The following OR51B5 variants were observed in gnomAD, a reference collection of about 807,000 sequenced individuals.
OR51B5 encodes the protein olfactory receptor 51B5.
For synonymous variants in OR51B5, 186 were observed against 144.8 expected (o/e 1.28, Z -2.04); for missense variants, 456 against 374.6 (o/e 1.22, Z -1.79).
intron 1 of OR51B5, among the ~76,000 whole-genome samples, chr11:5,355,762 TAAA>T (rs10581803): frequency 0.37 from 55,457 of 148,468 alleles, 10,478 homozygotes; most frequent in Non-Finnish European, 0.4. Context: ...CTTTAAAAAT[TAAA>T]AAAAAAAAAA....
At chr11:5,386,168 C>T (rs1849692923) in intron 1 of OR51B5, among the ~76,000 whole-genome samples, 1 of 151,506 alleles carries the variant, frequency 6.6e-6, no homozygotes, top group South Asian at 2.1e-4. Context: ...TGGTTTTTGC[C>T]AAGAAAGCAA....
chr11:5,464,981 C>T (rs552633760), intron 1 of OR51B5, among the ~76,000 whole-genome samples: 74 of 152,112 alleles, frequency 4.9e-4, no homozygotes, highest in African/African-American at 1.4e-3. Flanking sequence ...CCGAGGCGGG[C>T]GGATCGCGAG....
chr11:5,390,540 G>C (rs776770734), intron 1 of OR51B5: 5 of 615,134 alleles, frequency 8.1e-6, no homozygotes, highest in South Asian at 2.6e-5. Context: ...TTAAAAAACT[G>C]AACTTCTCTT....
chr11:5,385,375 T>C (rs1849671668), intron 1 of OR51B5: 1 of 152,232 alleles, frequency 6.6e-6, no homozygotes, highest in African/African-American at 2.4e-5. Flanking sequence ...TACCAGATCC[T>C]TCTCCCTGTC....
At chr11:5,482,038 G>T (rs908840841) in intron 1 of OR51B5, among the ~76,000 whole-genome samples, 1 of 119,828 alleles carries the variant, frequency 8.3e-6, no homozygotes, top group African/African-American at 3.7e-5. Context: ...AAAAGAGCCT[G>T]CATCACCAAG....
intron 1 of OR51B5, among the ~76,000 whole-genome samples, chr11:5,473,906 G>A (rs1045050087): frequency 5.3e-5 from 8 of 151,834 alleles, no homozygotes; most frequent in South Asian, 2.1e-4. Context: ...AATGGGGAGA[G>A]AGTGTGCACG....
In OR51B5 at chr11:5,389,670, C is replaced by T. The variant is rs1003193167; in HGVS notation, n.85-42760G>A. On this transcript the variant is annotated intron_variant and non_coding_transcript_variant, in intron 1 of 4. Transcript: ENST00000415970. ...CTGGGGCTGTGTGTGTCCACGTTGCCCACCACTATGGGGATCTTCTGGTTT... is the reference window on the plus strand; with the variant it reads ...CTGGGGCTGTGTGTGTCCACGTTGCTCACCACTATGGGGATCTTCTGGTTT... 4 of 1,613,454 alleles carry T rather than the reference C, an allele frequency of 2.5e-6. No homozygotes were observed. In the African/African-American group the frequency reaches 5.3e-5, roughly 22 times the overall value.
intron 1 of OR51B5, among the ~76,000 whole-genome samples, chr11:5,387,221 A>C (rs190427210): frequency 6.6e-6 from 1 of 152,298 alleles, no homozygotes; most frequent in Non-Finnish European, 1.5e-5. Flanking sequence ...TCTTGGCATT[A>C]AGAATTTCTA....
intron 1 of OR51B5, among the ~76,000 whole-genome samples, chr11:5,364,341 G>A (rs572958046): frequency 5.3e-5 from 8 of 152,104 alleles, no homozygotes; most frequent in Non-Finnish European, 1.2e-4. Flanking sequence ...TGATATGGAG[G>A]CAAGCCAAAT....
intron 1 of OR51B5, chr11:5,453,832 T>G: frequency 6.2e-7 from 1 of 1,614,272 alleles, no homozygotes. Context: ...TCAGGTATTC[T>G]GCTGGCCATG....
intron 1 of OR51B5, chr11:5,441,555 G>T: frequency 2.1e-6 from 3 of 1,461,496 alleles, no homozygotes; most frequent in Non-Finnish European, 2.8e-6. Context: ...AAGAGGGTGT[G>T]TTGGGAAACT....
chr11:5,420,187 T>A (rs1330868723), intron 1 of OR51B5, among the ~76,000 whole-genome samples: 1 of 151,994 alleles, frequency 6.6e-6, no homozygotes, highest in African/African-American at 2.4e-5. Context: ...CAGAAGTAAA[T>A]TTACTGAATT....
intron 1 of OR51B5, chr11:5,392,278 C>A (rs1433474913): frequency 1.3e-5 from 2 of 152,140 alleles, no homozygotes; most frequent in Non-Finnish European, 2.9e-5. Context: ...AACATAGGTT[C>A]CATTCTAAAC....
At chr11:5,504,260 C>T (rs960256080) in intron 1 of OR51B5, among the ~76,000 whole-genome samples, 15 of 152,266 alleles carry the variant, frequency 9.9e-5, no homozygotes, top group Non-Finnish European at 1.5e-4. Context: ...TAACTTTCTC[C>T]TTAACTGCCG....
intron 1 of OR51B5, among the ~76,000 whole-genome samples, chr11:5,494,539 G>C (rs1851621983): frequency 6.6e-6 from 1 of 152,064 alleles, no homozygotes; most frequent in South Asian, 2.1e-4. Flanking sequence ...ATTCCTTTTA[G>C]AGTTATAAAA....
chr11:5,362,396 C>T (rs1424883630), intron 1 of OR51B5, among the ~76,000 whole-genome samples: 1 of 152,164 alleles, frequency 6.6e-6, no homozygotes, highest in African/African-American at 2.4e-5. Context: ...ATCAGATGAT[C>T]AGTCTATGGC....
intron 1 of OR51B5, among the ~76,000 whole-genome samples, chr11:5,379,479 A>AAAAT (rs35267979): frequency 5.1e-5 from 3 of 58,382 alleles, no homozygotes; most frequent in South Asian, 5.2e-4. Flanking sequence ...TAAATAAAAT[A>AAAAT]AATAAAAAAA....
chr11:5,387,729 T>G (rs1292264213), intron 1 of OR51B5, among the ~76,000 whole-genome samples: 5 of 52,204 alleles, frequency 9.6e-5, no homozygotes, highest in Non-Finnish European at 2.0e-4. Flanking sequence ...CCTCCTTCCT[T>G]GAATGTTTTT....
chr11:5,369,754 G>T (rs1352495267), intron 1 of OR51B5, among the ~76,000 whole-genome samples: 1 of 152,088 alleles, frequency 6.6e-6, no homozygotes, highest in East Asian at 1.9e-4. Context: ...CCTATTGGCT[G>T]GTAGCAAGGG....
Sources: allele counts gnomAD v4.1 joint callset (sites outside exome capture counted in the v4.1 genomes callset), GRCh38; gene constraint gnomAD v4.1.1; transcripts MANE v1.5; gene names NCBI Gene and HGNC (gene_info 2026-07-23, HGNC 2026-07-21).